The following LRMDA variants were observed in gnomAD, a reference collection of about 807,000 sequenced individuals.
LRMDA encodes the protein leucine rich melanocyte differentiation associated.
Under a neutral mutation model 29.8 loss-of-function variants are expected in LRMDA, and 18 were observed. The observed-to-expected ratio is 0.60, with a 90% confidence interval of 0.42 to 0.90. LRMDA has a LOEUF of 0.90. LRMDA is among the 40% of genes least tolerant of loss of function. The probability of loss-of-function intolerance (pLI) is 0.00; values close to 1 mark genes in which losing one functional copy is unlikely to be tolerated. For synonymous variants in LRMDA, 125 were observed against 109.4 expected (o/e 1.14, Z -0.89); for missense variants, 273 against 273.9 (o/e 1.00, Z 0.02).
intron 6 of LRMDA, among the ~76,000 whole-genome samples, chr10:76,341,225 T>C (rs902333683): frequency 3.3e-5 from 5 of 152,154 alleles, no homozygotes; most frequent in African/African-American, 1.2e-4. Flanking sequence ...AAGGTTGAAA[T>C]TCATATTAGA....
chr10:76,150,076 C>T (rs1216666599), intron 5 of LRMDA, among the ~76,000 whole-genome samples: 2 of 152,196 alleles, frequency 1.3e-5, no homozygotes, highest in Admixed American at 1.3e-4. Flanking sequence ...ACTGCTGTCT[C>T]CTTGGGGGGA....
chr10:76,539,930 A>G (rs989926197), intron 6 of LRMDA, among the ~76,000 whole-genome samples: 1 of 152,096 alleles, frequency 6.6e-6, no homozygotes, highest in African/African-American at 2.4e-5. Flanking sequence ...TCTGACAGGT[A>G]ATCAAGAATT....
intron 5 of LRMDA, among the ~76,000 whole-genome samples, chr10:76,133,669 C>G (rs1589342370): frequency 1.3e-5 from 2 of 152,244 alleles, no homozygotes; most frequent in Non-Finnish European, 2.9e-5. Flanking sequence ...CTTCCCTCCT[C>G]TCACCTGATG....
intron 6 of LRMDA, among the ~76,000 whole-genome samples, chr10:76,448,473 A>G (rs1187904172): frequency 1.3e-5 from 2 of 152,074 alleles, no homozygotes; most frequent in Non-Finnish European, 2.9e-5. Flanking sequence ...GCTATTTCCA[A>G]TTTACATTCC....
chr10:75,431,781 C>T (rs1381302896), intron 1 of LRMDA, 27 bp downstream of exon 1: 3 of 1,348,146 alleles, frequency 2.2e-6, no homozygotes, highest in Non-Finnish European at 2.9e-6. Flanking sequence ...CCCGCCTCCG[C>T]CCGGGGCGCA....
intron 3 of LRMDA, among the ~76,000 whole-genome samples, chr10:76,042,852 C>T (rs1848363819): frequency 6.6e-6 from 1 of 152,132 alleles, no homozygotes; most frequent in South Asian, 2.1e-4. Context: ...GGTAGTTTCA[C>T]CACTAAATTA....
chr10:75,814,109 G>A (rs1179844111), intron 2 of LRMDA, among the ~76,000 whole-genome samples: 1 of 152,264 alleles, frequency 6.6e-6, no homozygotes, highest in Non-Finnish European at 1.5e-5. Flanking sequence ...TATGCAGGAG[G>A]AAGAGTGAAG....
chr10:75,993,593 C>T (rs911969229), intron 2 of LRMDA, among the ~76,000 whole-genome samples: 1 of 151,964 alleles, frequency 6.6e-6, no homozygotes, highest in Non-Finnish European at 1.5e-5. Flanking sequence ...CTTAGCCAGG[C>T]GTGATGGTGG....
intron 5 of LRMDA, among the ~76,000 whole-genome samples, chr10:76,227,811 A>G (rs1851987802): frequency 6.6e-6 from 1 of 152,162 alleles, no homozygotes; most frequent in African/African-American, 2.4e-5. Context: ...CTGGCCAAGT[A>G]TAAGTCACTT....
intron 5 of LRMDA, among the ~76,000 whole-genome samples, chr10:76,289,198 C>T (rs1840308884): frequency 6.6e-6 from 1 of 152,096 alleles, no homozygotes; most frequent in Admixed American, 6.6e-5. Flanking sequence ...ATTTCCAGAG[C>T]CTTCCTCAAT....
At chr10:75,855,270 T>C (rs2132315424) in intron 2 of LRMDA, among the ~76,000 whole-genome samples, 1 of 152,272 alleles carries the variant, frequency 6.6e-6, no homozygotes, top group Middle Eastern at 3.4e-3. Context: ...CGAACTGGTG[T>C]GAGATGGTAT....
At chr10:76,315,637 A>AGCTCCCTGCGGGCC (rs1254807879) in intron 5 of LRMDA, among the ~76,000 whole-genome samples, 1 of 152,140 alleles carries the variant, frequency 6.6e-6, no homozygotes, top group Non-Finnish European at 1.5e-5. Context: ...TGCTGAGGGC[A>AGCTCCCTGCGGGCC]GCTCCCTGCG....
At chr10:76,230,792 A>T (rs969407228) in intron 5 of LRMDA, among the ~76,000 whole-genome samples, 1 of 152,228 alleles carries the variant, frequency 6.6e-6, no homozygotes, top group Non-Finnish European at 1.5e-5. Flanking sequence ...CATTGTAATG[A>T]ATAGGTTCAT....
chr10:76,212,236 A>AACACACACACAC (rs35344389), intron 5 of LRMDA, among the ~76,000 whole-genome samples: 35 of 142,882 alleles, frequency 2.4e-4, no homozygotes, highest in South Asian at 4.6e-4. Flanking sequence ...TGAAAATTAA[A>AACACACACACAC]ACACACACAC....
At chr10:75,697,061 A>G (rs902331510) in intron 2 of LRMDA, among the ~76,000 whole-genome samples, 3 of 152,162 alleles carry the variant, frequency 2.0e-5, no homozygotes, top group Admixed American at 6.5e-5. Context: ...TGAATTGTAC[A>G]AGTATGACAC....
At chr10:75,613,632 T>G (rs1841062212) in intron 2 of LRMDA, among the ~76,000 whole-genome samples, 1 of 152,128 alleles carries the variant, frequency 6.6e-6, no homozygotes, top group African/African-American at 2.4e-5. Flanking sequence ...TTTCATCTTG[T>G]TTTTTCACAA....
At chr10:76,065,508 C>A (rs1848769343) in intron 5 of LRMDA, among the ~76,000 whole-genome samples, 1 of 152,226 alleles carries the variant, frequency 6.6e-6, no homozygotes, top group African/African-American at 2.4e-5. Context: ...GCTTGCCCAG[C>A]TCCCCAATGG....
At chr10:76,454,223 G>A (rs1055531905) in intron 6 of LRMDA, among the ~76,000 whole-genome samples, 5 of 152,154 alleles carry the variant, frequency 3.3e-5, no homozygotes, top group African/African-American at 1.2e-4. Flanking sequence ...CATAGATGGA[G>A]GAGAAAGATA....
intron 6 of LRMDA, among the ~76,000 whole-genome samples, chr10:76,492,725 C>G (rs1409904154): frequency 6.6e-6 from 1 of 152,066 alleles, no homozygotes; most frequent in African/African-American, 2.4e-5. Flanking sequence ...AACTTACAAT[C>G]ATGGCAGAAG....
Sources: allele counts gnomAD v4.1 joint callset (sites outside exome capture counted in the v4.1 genomes callset), GRCh38; gene constraint gnomAD v4.1.1; transcripts MANE v1.5; gene names NCBI Gene and HGNC (gene_info 2026-07-23, HGNC 2026-07-21).